MAST2: variants seen among roughly 807,000 people sequenced by gnomAD.
MAST2 encodes microtubule-associated serine/threonine-protein kinase 2.
In MAST2, 70 loss-of-function variants were observed where a neutral mutation model predicts 147.4. The observed-to-expected ratio is 0.47, with a 90% CI of 0.39 to 0.58. MAST2 has a LOEUF of 0.58. Among genes scored for constraint, MAST2 ranks in the 20% least tolerant of loss-of-function variants. MAST2 has a pLI of 0.00. For synonymous variants in MAST2, 869 were observed against 896.8 expected, an observed-to-expected ratio of 0.97 and a Z score of 0.55; for missense variants, 2,080 against 2,302.3, an observed-to-expected ratio of 0.90 and a Z score of 1.98.
intron 15 of MAST2, among the ~76,000 whole-genome samples, chr1:46,024,532 TTGAAGC>T (rs765214347): frequency 2.0e-5 from 3 of 152,242 alleles, no homozygotes; most frequent in Admixed American, 6.5e-5. Flanking sequence ...GTGCCTAGTC[TTGAAGC>T]TGAAGCTGAA....
intron 10 of MAST2, among the ~76,000 whole-genome samples, chr1:46,014,597 A>C (rs1415729285): frequency 1.3e-5 from 2 of 151,970 alleles, no homozygotes. Context: ...TGGGTTGGTT[A>C]AGGGATCAAT....
chr1:45,848,903 A>G (rs1326598774), intron 3 of MAST2, among the ~76,000 whole-genome samples: 1 of 152,202 alleles, frequency 6.6e-6, no homozygotes, highest in Admixed American at 6.5e-5. Flanking sequence ...CCAAATTAAC[A>G]TACAAAAAAC....
chr1:45,903,185 A>G (rs1387556070), intron 4 of MAST2, among the ~76,000 whole-genome samples: 2 of 123,088 alleles, frequency 1.6e-5, no homozygotes, highest in East Asian at 2.4e-4. Context: ...GGCTGGATGC[A>G]GTGGCGTGAT....
At chr1:45,972,254 A>G (rs753182846) in intron 5 of MAST2, among the ~76,000 whole-genome samples, 30 of 152,240 alleles carry the variant, frequency 2.0e-4, no homozygotes, top group Non-Finnish European at 2.5e-4. Context: ...CAACAAGATC[A>G]GAGTCTGTGA....
chr1:46,032,411 C>G lies in MAST2; in HGVS notation c.3414+7C>G. The G allele has an allele frequency of 6.2e-7, 1 of 1,613,716 alleles. No individual in the cohort carries two copies. Among genetic ancestry groups the G allele is most frequent in the Non-Finnish European group, 8.5e-7 (1 of 1,179,686 alleles). On this transcript the variant is annotated splice_region_variant and intron_variant, in intron 25 of 28. Coordinates refer to ENST00000361297, the MANE Select transcript of MAST2 (RefSeq NM_015112.3). Reference sequence around the variant, plus strand: ...CGTGCACCATATGGTGTGGGTATGTCTGACCATCCAGACCTGCTGTCTCCC... The same window carrying G: ...CGTGCACCATATGGTGTGGGTATGTGTGACCATCCAGACCTGCTGTCTCCC...
At chr1:46,022,498 T>C (rs980565930) in intron 12 of MAST2, among the ~76,000 whole-genome samples, 18 of 152,362 alleles carry the variant, frequency 1.2e-4, no homozygotes, top group Admixed American at 2.6e-4. Flanking sequence ...GGCTTCCTGC[T>C]GAACCCCTGC....
intron 4 of MAST2, chr1:45,917,313 T>C: frequency 7.4e-7 from 1 of 1,343,230 alleles, no homozygotes; most frequent in Non-Finnish European, 9.9e-7. Context: ...TGACCTTGTT[T>C]TTTTCCTATT....
chr1:45,876,140 C>G (rs1167311869), intron 3 of MAST2, among the ~76,000 whole-genome samples: 1 of 152,152 alleles, frequency 6.6e-6, no homozygotes, highest in Non-Finnish European at 1.5e-5. Flanking sequence ...ACTAAAAATG[C>G]AGTGAAGCTT....
intron 3 of MAST2, among the ~76,000 whole-genome samples, chr1:45,862,125 A>C (rs576478089): frequency 6.6e-6 from 1 of 152,380 alleles, no homozygotes; most frequent in African/African-American, 2.4e-5. Flanking sequence ...AAATTTGCAT[A>C]AATTTTGAGA....
At chr1:46,028,744 CCAG>C in intron 17 of MAST2, 21 bp from the exon 18 acceptor site, 1 of 1,613,346 alleles carries the variant, frequency 6.2e-7, no homozygotes, top group Non-Finnish European at 8.5e-7. Flanking sequence ...GGAGGCTGAG[CCAG>C]CCTGGCTTTT....
At chr1:46,012,418 C>G (rs997307244) in intron 10 of MAST2, among the ~76,000 whole-genome samples, 3 of 152,100 alleles carry the variant, frequency 2.0e-5, no homozygotes, top group Middle Eastern at 3.2e-3. Flanking sequence ...TTTGTGAAGC[C>G]CTTGGAATGC....
At chr1:45,845,824 G>T (rs1295288519) in intron 3 of MAST2, among the ~76,000 whole-genome samples, 1 of 152,156 alleles carries the variant, frequency 6.6e-6, no homozygotes, top group Non-Finnish European at 1.5e-5. Flanking sequence ...GCAGCGGTGC[G>T]ATCTCGGCTC....
At position 46,023,502 on chromosome 1, in the gene MAST2, C is replaced by T. The variant is rs1370198578; in HGVS notation, c.1571+184C>T. 2 of 639,672 alleles carry T rather than the reference C, an allele frequency of 3.1e-6. No individual in the cohort carries two copies. The highest frequency in any genetic ancestry group is 3.7e-5 in the African/African-American group (2 of 54,556). 39.6% of individuals were successfully genotyped at this position (639,672 alleles called of 1,614,324 possible). On this transcript the variant is annotated intron_variant, in intron 14 of 28. Coordinates refer to ENST00000361297, the MANE Select transcript of MAST2 (RefSeq NM_015112.3). The surrounding 1 kb of genome is among the most constrained non-coding windows in gnomAD (Gnocchi z 4.9). ...CTGACATCCGATCATTGTTCCTTTCCCAGACAAGATTCCCACGCCTCTTAC... is the reference window on the plus strand; with the variant it reads ...CTGACATCCGATCATTGTTCCTTTCTCAGACAAGATTCCCACGCCTCTTAC...
chr1:45,806,202 C>T (rs950645128), intron 1 of MAST2, among the ~76,000 whole-genome samples: 5 of 152,192 alleles, frequency 3.3e-5, no homozygotes, highest in Non-Finnish European at 7.3e-5. Flanking sequence ...GATGTAACCT[C>T]CCTCACCACC....
Position 46,019,667 on chromosome 1 carries a change from T to C in MAST2, c.1260T>C (p.Ile420=). 1.2e-6 allele frequency: 2 copies of C among 1,614,194 alleles called. No individual in the cohort carries two copies. Among genetic ancestry groups the C allele is most frequent in the Admixed American group, 1.7e-5 (1 of 60,020 alleles). ...MQLVKKLMII[I]ARPARLLECL... ...TGGTGAAAAAGCTGATGATTATCAT[T>C]GCCCGCCCAGCACGTCTCCTGGAAT... Residue 420 remains isoleucine, a synonymous_variant, in exon 11 of 29, where the codon ATT becomes ATC. Coordinates refer to ENST00000361297, the MANE Select transcript of MAST2 (RefSeq NM_015112.3).
rs759830326 is a variant in MAST2 at position 46,023,756 on chromosome 1, G to A, written c.1572-16G>A. ...GCTGAGGGTCCATGGGGGATGGGCCGGACTTTGTTTCCCAGGGCTGTATTT... is the reference window on the plus strand; with the variant it reads ...GCTGAGGGTCCATGGGGGATGGGCCAGACTTTGTTTCCCAGGGCTGTATTT... On this transcript the variant is annotated splice_polypyrimidine_tract_variant and intron_variant, in intron 14 of 28. Coordinates refer to ENST00000361297, the MANE Select transcript of MAST2 (RefSeq NM_015112.3). This position sits in a 1 kb window ranked among gnomAD's most constrained non-coding sequence, Gnocchi z 4.9. 4.2e-5 allele frequency: 68 copies of A among 1,611,740 alleles called. 1 individual carries two copies. Among genetic ancestry groups the A allele is most frequent in the Non-Finnish European group, 4.5e-5 (53 of 1,178,666 alleles).
chr1:45,889,822 G>C (rs1030821977), intron 4 of MAST2, among the ~76,000 whole-genome samples: 2 of 151,536 alleles, frequency 1.3e-5, no homozygotes, highest in African/African-American at 4.9e-5. Context: ...CATTGGTCAG[G>C]CTGGTCTCGA....
chr1:46,027,749 G>A lies in MAST2; in HGVS notation c.1938G>A (p.Met646Ile). The change falls in exon 17 of 29, where the codon ATG (methionine) becomes ATA (isoleucine). Residue 646 changes from methionine to isoleucine, a missense_variant. Around this residue, in one of 4 missense-constraint regions of MAST2, gnomAD observed 209 missense variants for 309.5 expected, o/e 0.68. Coordinates refer to ENST00000361297, the MANE Select transcript of MAST2 (RefSeq NM_015112.3). ...CTTCCAGCCTCCTAATTACATCCAT[G>A]GGGCACATCAAGCTCACGGACTTTG... ...LKPDNLLITS[M>I]GHIKLTDFGL... 3 of 1,612,378 alleles carry A rather than the reference G, an allele frequency of 1.9e-6. No homozygotes were observed. The highest frequency in any genetic ancestry group is 2.5e-6 in the Non-Finnish European group (3 of 1,179,372).
intron 1 of MAST2, among the ~76,000 whole-genome samples, chr1:45,809,556 C>T (rs1027260356): frequency 2.0e-5 from 3 of 152,028 alleles, no homozygotes; most frequent in Non-Finnish European, 2.9e-5. Context: ...GGTGGGACCC[C>T]TGGAAGTTGA....
Sources: allele counts gnomAD v4.1 joint callset (sites outside exome capture counted in the v4.1 genomes callset), GRCh38; gene constraint gnomAD v4.1.1; regional missense constraint gnomAD v4.1.1; non-coding constraint Gnocchi (gnomAD v3.1); transcripts MANE v1.5; gene names NCBI Gene and HGNC (gene_info 2026-07-23, HGNC 2026-07-21).